Variants in RELN observed in about 807,000 individuals in gnomAD.
RELN encodes reelin.
Under a neutral mutation model 427.6 loss-of-function variants are expected in RELN, and 108 were observed. That is an observed-to-expected ratio of 0.25 (90% CI 0.22 to 0.30). The LOEUF (loss-of-function observed/expected upper bound fraction) is 0.30. RELN is among the 10% of genes least tolerant of loss of function. The probability of loss-of-function intolerance (pLI) is 1.00; values close to 1 mark genes in which losing one functional copy is unlikely to be tolerated. For synonymous variants in RELN, 1,524 were observed against 1,513.4 expected, an observed-to-expected ratio of 1.01 and a Z score of -0.16; for missense variants, 3,715 against 4,302.8, an observed-to-expected ratio of 0.86 and a Z score of 3.82.
At position 103,812,851 on chromosome 7, in the gene RELN, C is replaced by T. The variant is rs191143097; in HGVS notation, c.473+20686G>A. ...ATTTTCTTCCTAATATCACCTTAGG[C>T]CTCTTTTGTCATTACTGCACTCTAA... On this transcript the variant is annotated intron_variant, in intron 3 of 64. Coordinates refer to ENST00000428762, the MANE Select transcript of RELN (RefSeq NM_005045.4). 2.0e-5 allele frequency among the ~76,000 whole-genome samples: 3 copies of T among 152,244 alleles called. No homozygotes were observed. The East Asian group carries it at 5.8e-4, about 29-fold the overall frequency.
At chr7:103,542,899 G>C in intron 42 of RELN, 21 bp from the exon 43 acceptor site, 2 of 1,612,900 alleles carry the variant, frequency 1.2e-6, no homozygotes, top group African/African-American at 2.7e-5. Context: ...TGGAAAATAT[G>C]GTTTACCTAT....
intron 16 of RELN, among the ~76,000 whole-genome samples, chr7:103,649,759 T>A (rs1339493586): frequency 6.6e-6 from 1 of 151,810 alleles, no homozygotes; most frequent in Non-Finnish European, 1.5e-5. Context: ...TTTAAAAAGA[T>A]ATATATCTAA....
intron 15 of RELN, 40 bp downstream of exon 15, chr7:103,651,621 G>T: frequency 6.3e-7 from 1 of 1,592,640 alleles, no homozygotes; most frequent in South Asian, 1.1e-5. Flanking sequence ...TCTGCAACAT[G>T]GATTCAAGTA....
rs150971291 is a variant in RELN, at chr7:103,542,700, GT to G, written c.6671+30del. On this transcript the variant is annotated intron_variant, in intron 43 of 64. Transcript: ENST00000428762. ...TTCTGCTATTATACATTACGATGTG[GT>G]TTTTTTCAACAGCATCTAAAAATGA... 37 of 1,611,638 alleles carry G rather than the reference GT, an allele frequency of 2.3e-5. No homozygotes were observed. In the Admixed American group the frequency reaches 6.0e-4, roughly 26 times the overall value.
At chr7:103,596,017 C>T (rs576952577) in intron 25 of RELN, among the ~76,000 whole-genome samples, 1 of 152,166 alleles carries the variant, frequency 6.6e-6, no homozygotes, top group Admixed American at 6.5e-5. Flanking sequence ...TATACACTTA[C>T]TCATACACTG....
chr7:103,495,087 G>A (rs1828796208), intron 57 of RELN, among the ~76,000 whole-genome samples: 1 of 151,532 alleles, frequency 6.6e-6, no homozygotes, highest in South Asian at 2.1e-4. Flanking sequence ...CTGAAATCCA[G>A]ATTACATATA....
chr7:103,835,790 AT>A (rs2116415276), intron 2 of RELN, among the ~76,000 whole-genome samples: 1 of 152,208 alleles, frequency 6.6e-6, no homozygotes, highest in African/African-American at 2.4e-5. Flanking sequence ...TAAAGTTGCT[AT>A]AAGTAGTAAA....
At position 103,749,456 on chromosome 7, in the gene RELN, T is replaced by C. The variant is rs1273899983; in HGVS notation, c.626A>G (p.Tyr209Cys). The C allele has an allele frequency of 6.2e-7, 1 of 1,613,366 alleles. No individual in the cohort carries two copies. The highest frequency in any genetic ancestry group is 8.5e-7 in the Non-Finnish European group (1 of 1,179,402). The change falls in exon 6 of 65, where the codon TAC (tyrosine) becomes TGC (cysteine). Residue 209 changes from tyrosine to cysteine, a missense_variant. This residue lies in a region of RELN where 2,208 missense variants were observed against 2,361.7 expected (regional missense o/e 0.93). Transcript: ENST00000428762. ...ATTTGGATTTAATTGCAGTTGGTGG[T>C]AGGAGTCAAAGTCATCTCTCAGGAT... Reference protein sequence around the residue: ...SIILRDDFDSYHQLQLNPNIW... With the variant: ...SIILRDDFDSCHQLQLNPNIW...
intron 5 of RELN, among the ~76,000 whole-genome samples, chr7:103,750,608 T>C (rs1790974362): frequency 6.6e-6 from 1 of 152,222 alleles, no homozygotes. Flanking sequence ...TGGCTATTTA[T>C]TCTCAGCTAA....
chr7:103,812,798 A>G (rs897284532), intron 3 of RELN, among the ~76,000 whole-genome samples: 1 of 152,190 alleles, frequency 6.6e-6, no homozygotes, highest in African/African-American at 2.4e-5. Flanking sequence ...TAGCATTTTA[A>G]CTATATTCCA....
chr7:103,746,480 A>G (rs1790834922), intron 6 of RELN, among the ~76,000 whole-genome samples: 1 of 151,896 alleles, frequency 6.6e-6, no homozygotes, highest in Non-Finnish European at 1.5e-5. Context: ...GTGAACAGGC[A>G]ACCTACAGAA....
intron 40 of RELN, among the ~76,000 whole-genome samples, chr7:103,551,654 C>T (rs558533340): frequency 1.3e-5 from 2 of 152,058 alleles, no homozygotes; most frequent in Non-Finnish European, 2.9e-5. Flanking sequence ...TAACTGTTAG[C>T]TTCCCCCCCA....
In RELN at chr7:103,496,512, G is replaced by GTC; in HGVS notation, c.9193+12_9193+13dup. 6.2e-7 allele frequency: 1 copy of GTC among 1,614,054 alleles called. No individual in the cohort carries two copies. Among genetic ancestry groups the GTC allele is most frequent in the Non-Finnish European group, 8.5e-7 (1 of 1,179,960 alleles). ...CTCACAGGAAAGAAAATTGTTCAAT[G>GTC]TCTTGTTTCTTACCATCATCAAAAG... On this transcript the variant is annotated intron_variant, in intron 56 of 64. Transcript: ENST00000428762.
At chr7:103,822,579 T>G (rs1422269188) in intron 3 of RELN, among the ~76,000 whole-genome samples, 1 of 152,074 alleles carries the variant, frequency 6.6e-6, no homozygotes, top group Admixed American at 6.6e-5. Flanking sequence ...TTTCCACTCA[T>G]GTAAGCATGT....
chr7:103,719,308 C>G (rs1790017362), intron 8 of RELN, among the ~76,000 whole-genome samples: 1 of 152,108 alleles, frequency 6.6e-6, no homozygotes, highest in Non-Finnish European at 1.5e-5. Flanking sequence ...ACTTGAAAAA[C>G]CTTTCCCTGT....
rs1283328178 is a variant in RELN at position 103,553,406 on chromosome 7, T to C, written c.6072+55A>G. The C allele has an allele frequency of 1.6e-5, 22 of 1,339,004 alleles. No individual in the cohort carries two copies. The South Asian group carries it at 1.8e-4, about 11-fold the overall frequency. The allele number at this position is 1,339,004 out of a possible 1,614,324, so 82.9% of individuals were successfully genotyped here. ...TATCTGAGATTTTCCTCCCCTTTCC[T>C]AGGTTTTGTTCAATATAAAATTTAA... On this transcript the variant is annotated intron_variant, in intron 40 of 64. Coordinates refer to ENST00000428762, the MANE Select transcript of RELN (RefSeq NM_005045.4).
intron 24 of RELN, among the ~76,000 whole-genome samples, chr7:103,600,828 A>G (rs756052448): frequency 6.6e-6 from 1 of 152,360 alleles, no homozygotes; most frequent in Non-Finnish European, 1.5e-5. Context: ...AAAATATTCA[A>G]TAAGACAAAT....
intron 49 of RELN, among the ~76,000 whole-genome samples, chr7:103,516,099 G>A (rs1007639726): frequency 6.6e-5 from 10 of 152,124 alleles, no homozygotes; most frequent in African/African-American, 2.4e-4. Flanking sequence ...GGACAGACAT[G>A]GAAAAATGTG....
At chr7:103,761,780 T>C (rs1791307248) in intron 4 of RELN, among the ~76,000 whole-genome samples, 1 of 152,204 alleles carries the variant, frequency 6.6e-6, no homozygotes, top group African/African-American at 2.4e-5. Context: ...AAAAAATTGT[T>C]ACTGTGTAGC....
Sources: gnomAD v4.1 joint callset for allele counts (sites outside exome capture counted in the v4.1 genomes callset) on GRCh38, gnomAD v4.1.1 for gene constraint, gnomAD v4.1.1 regional missense constraint, MANE v1.5 for transcripts, NCBI Gene and HGNC (gene_info 2026-07-23, HGNC 2026-07-21) for gene names.